The following CES5A variants were observed in gnomAD, a reference collection of about 807,000 sequenced individuals.
The protein encoded by CES5A is carboxylesterase 5.
A neutral mutation model predicts 62.9 loss-of-function variants in CES5A; 67 were observed. The ratio of observed to expected loss-of-function variants is 1.07; its 90% CI spans 0.88 to 1.31. The LOEUF (loss-of-function observed/expected upper bound fraction) is 1.31, where lower values mean the gene tolerates loss of function less well. Among genes scored for constraint, CES5A ranks in the 50% most tolerant of loss-of-function variants. CES5A has a pLI of 0.00. For missense variants in CES5A, 748 were observed against 708.5 expected, an observed-to-expected ratio of 1.06 and a Z score of -0.63; for synonymous variants, 296 against 280.8, an observed-to-expected ratio of 1.05 and a Z score of -0.54.
upstream of CES5A, among the ~76,000 whole-genome samples, chr16:55,928,893 A>G (rs1665203322): frequency 6.6e-6 from 1 of 152,136 alleles, no homozygotes; most frequent in African/African-American, 2.4e-5. Flanking sequence ...CCCAGGACTC[A>G]GAGGTCCCAG....
At chr16:55,920,073 A>C (rs1223080529) in intron 1 of CES5A, among the ~76,000 whole-genome samples, 1 of 152,214 alleles carries the variant, frequency 6.6e-6, no homozygotes, top group Non-Finnish European at 1.5e-5. Flanking sequence ...TATAAGTGCC[A>C]AGATTATCAT....
chr16:55,888,336 T>C (rs1026395585), intron 1 of CES5A, among the ~76,000 whole-genome samples: 1 of 152,202 alleles, frequency 6.6e-6, no homozygotes, highest in African/African-American at 2.4e-5. Context: ...TTGGAAAGTC[T>C]ACCTGGCCCA....
chr16:55,894,083 A>G (rs1265281974), intron 1 of CES5A, among the ~76,000 whole-genome samples: 2 of 152,208 alleles, frequency 1.3e-5, no homozygotes, highest in Non-Finnish European at 2.9e-5. Context: ...CTGATGAAAG[A>G]AAAATAAGTG....
Position 55,875,209 on chromosome 16 carries a change from A to G in CES5A, c.13T>C (p.Trp5Arg). ...ATTAGGATCTGGCCTGGGTGCACCC[A>G]ATTCCCACTCATTTGGCTGCCTGCC... MSGNWVHPGQILIWA... is the reference protein window; with the variant it reads MSGNRVHPGQILIWA... Residue 5 changes from tryptophan (W) to arginine (R), a missense_variant, in exon 1 of 13, where the codon TGG (tryptophan) becomes CGG (arginine). Trp to Arg is a moderately radical substitution (Grantham distance 101). Transcript: ENST00000290567. 1 of 1,613,622 alleles carries G rather than the reference A, an allele frequency of 6.2e-7. No homozygotes were observed. The highest frequency in any genetic ancestry group is 8.5e-7 in the Non-Finnish European group (1 of 1,179,796).
chr16:55,912,499 A>T (rs1334908469), intron 1 of CES5A, among the ~76,000 whole-genome samples: 1 of 151,982 alleles, frequency 6.6e-6, no homozygotes, highest in Non-Finnish European at 1.5e-5. Context: ...GAGGAGGACG[A>T]GGAGGAGGAA....
chr16:55,866,673 AAAAAAT>A (rs2033470158), intron 4 of CES5A, among the ~76,000 whole-genome samples: 2 of 139,650 alleles, frequency 1.4e-5, no homozygotes, highest in African/African-American at 5.3e-5. Flanking sequence ...AAAAAAAAAA[AAAAAAT>A]ACAAAAAAAT....
Position 55,952,175 on chromosome 16 carries a change from C to T in CES5A, c.43-2273G>A, listed in dbSNP as rs2895003. Among the ~76,000 whole-genome samples the T allele has an allele frequency of 1.8e-3, 275 of 152,120 alleles. 1 individual carries two copies. Among genetic ancestry groups the T allele is most frequent in the South Asian group, 5.0e-3 (24 of 4,828 alleles). ...TCTATGCACCTGAGCATGCTAAATA[C>T]TTTGAAAATAACTCTTAGGTTAGCA... On this transcript the variant is annotated intron_variant, in intron 1 of 13. Coordinates refer to the CES5A transcript ENST00000521992.
intron 2 of CES5A, 80 bp downstream of exon 2, chr16:55,873,753 C>T (rs2033641557): frequency 7.6e-7 from 1 of 1,313,512 alleles, no homozygotes. Flanking sequence ...AATCCCTCTT[C>T]TTTCACACTG....
rs528035419 is a variant in CES5A, at chr16:55,867,239, C to T, written c.552-1123G>A. Among the ~76,000 whole-genome samples the T allele has an allele frequency of 1.5e-3, 230 of 152,338 alleles. 2 individuals carry two copies. The highest frequency in any genetic ancestry group is 1.1e-3 in the Non-Finnish European group (75 of 68,032). Reference sequence around the variant, plus strand: ...CCTGCTGTCAGGAAACCAACGGATACATCAACTCTTTAATTCAGGCACAGA... The same window carrying T: ...CCTGCTGTCAGGAAACCAACGGATATATCAACTCTTTAATTCAGGCACAGA... On this transcript the variant is annotated intron_variant, in intron 4 of 12. Transcript: ENST00000290567.
At chr16:55,880,591 G>A (rs2033751699) in intron 1 of CES5A, among the ~76,000 whole-genome samples, 1 of 152,166 alleles carries the variant, frequency 6.6e-6, no homozygotes, top group Non-Finnish European at 1.5e-5. Context: ...CAGACCCTCA[G>A]TGAGATTCTG....
At chr16:55,951,936 A>G (rs1046579712) in intron 1 of CES5A, among the ~76,000 whole-genome samples, 3 of 152,184 alleles carry the variant, frequency 2.0e-5, no homozygotes, top group Admixed American at 1.3e-4. Flanking sequence ...GAACATACAT[A>G]TTAAAATTTT....
At chr16:55,881,486 G>C (rs1197830644) in intron 1 of CES5A, among the ~76,000 whole-genome samples, 3 of 152,198 alleles carry the variant, frequency 2.0e-5, no homozygotes, top group African/African-American at 4.8e-5. Context: ...CATGATGCAG[G>C]ACTTACTGTA....
intron 2 of CES5A, among the ~76,000 whole-genome samples, chr16:55,936,727 A>G (rs545615297): frequency 1.4e-4 from 22 of 152,350 alleles, no homozygotes; most frequent in African/African-American, 5.1e-4. Context: ...CCACCAGCCA[A>G]AATAGTTTTT....
upstream of CES5A, among the ~76,000 whole-genome samples, chr16:55,927,977 CT>C (rs1185022691): frequency 2.0e-5 from 3 of 152,206 alleles, no homozygotes; most frequent in African/African-American, 7.2e-5. Context: ...GGCGCGGTGG[CT>C]CACGCCTGTA....
chr16:55,851,649 A>C (rs1387255474), intron 10 of CES5A, among the ~76,000 whole-genome samples: 1 of 152,234 alleles, frequency 6.6e-6, no homozygotes, highest in Non-Finnish European at 1.5e-5. Context: ...TACCTCTGGC[A>C]TATACCTCAA....
chr16:55,888,864 G>C (rs1291006455), intron 1 of CES5A, among the ~76,000 whole-genome samples: 2 of 152,196 alleles, frequency 1.3e-5, no homozygotes, highest in African/African-American at 2.4e-5. Context: ...TAACCATCAT[G>C]CTATTCGGCC....
chr16:55,941,486 A>G (rs114446265), intron 2 of CES5A, among the ~76,000 whole-genome samples: 2 of 152,112 alleles, frequency 1.3e-5, no homozygotes, highest in East Asian at 3.9e-4. Flanking sequence ...AAATGGAAAG[A>G]TACACCATGT....
chr16:55,871,615 G>A lies in CES5A; in HGVS notation c.417+10C>T, dbSNP rs2033587194. The A allele has an allele frequency of 6.2e-7, 1 of 1,613,844 alleles. No homozygotes were observed. The highest frequency in any genetic ancestry group is 1.1e-5 in the South Asian group (1 of 91,056). ...AGCTAGAGCCCGAAGCACACAGCAG[G>A]CAGCCTTACGGGGAGCTTGGAGCCT... is the stretch of plus-strand genomic sequence containing the variant. On this transcript the variant is annotated intron_variant, in intron 3 of 12. Transcript: ENST00000290567.
intron 5 of CES5A, among the ~76,000 whole-genome samples, chr16:55,865,390 T>C (rs2033435687): frequency 6.6e-6 from 1 of 152,158 alleles, no homozygotes; most frequent in African/African-American, 2.4e-5. Context: ...AAATCCCAAA[T>C]GCGCTAAAGT....
Sources: allele counts gnomAD v4.1 joint callset (sites outside exome capture counted in the v4.1 genomes callset), GRCh38; gene constraint gnomAD v4.1.1; transcripts MANE v1.5; gene names NCBI Gene and HGNC (gene_info 2026-07-23, HGNC 2026-07-21).